SHISA9: variants seen among roughly 807,000 people sequenced by gnomAD.
SHISA9 encodes the protein protein shisa-9.
SHISA9 carries 13 observed loss-of-function variants against 38.0 expected under a neutral mutation model. That is an observed-to-expected ratio of 0.34 (90% CI 0.22 to 0.54). SHISA9 has a LOEUF of 0.54. Among genes scored for constraint, SHISA9 ranks in the 20% least tolerant of loss-of-function variants. The probability of loss-of-function intolerance (pLI) is 0.91; values close to 1 mark genes in which losing one functional copy is unlikely to be tolerated. For synonymous variants in SHISA9, 275 were observed against 242.0 expected (o/e 1.14, Z -1.27); for missense variants, 538 against 575.8 (o/e 0.93, Z 0.67).
the SHISA9 span, among the ~76,000 whole-genome samples, chr16:13,299,256 TC>T: frequency 3.3e-5 from 5 of 152,204 alleles, no homozygotes; most frequent in African/African-American, 1.2e-4. Flanking sequence ...GTACAGACAG[TC>T]ACTGCTCTAG....
chr16:12,961,798 T>A (rs1054645252), intron 2 of SHISA9, among the ~76,000 whole-genome samples: 6 of 152,096 alleles, frequency 3.9e-5, no homozygotes, highest in Non-Finnish European at 7.4e-5. Context: ...GAACAGCGAG[T>A]TCCTTGCGAC....
chr16:13,362,720 T>G, the SHISA9 span, among the ~76,000 whole-genome samples: 1 of 152,188 alleles, frequency 6.6e-6, no homozygotes, highest in Non-Finnish European at 1.5e-5. Context: ...CTCTTTCACT[T>G]CTCACATTCC....
chr16:13,079,952 C>G (rs1358257286), intron 2 of SHISA9, among the ~76,000 whole-genome samples: 2 of 152,070 alleles, frequency 1.3e-5, no homozygotes, highest in African/African-American at 2.4e-5. Context: ...GCAGCAGAAA[C>G]CAACCTTTCC....
chr16:13,145,306 G>A (rs1439589145), intron 2 of SHISA9, among the ~76,000 whole-genome samples: 2 of 152,060 alleles, frequency 1.3e-5, no homozygotes, highest in African/African-American at 2.4e-5. Flanking sequence ...GGGTGGATCA[G>A]TTCAGGTCAG....
At chr16:13,560,282 A>G in the SHISA9 span, among the ~76,000 whole-genome samples, 3 of 152,190 alleles carry the variant, frequency 2.0e-5, no homozygotes, top group African/African-American at 7.2e-5. Flanking sequence ...TTCTCACCTG[A>G]GATTCACTGT....
Position 13,190,196 on chromosome 16 carries a change from C to A in SHISA9, c.692-13198C>A, listed in dbSNP as rs149790268. On this transcript the variant is annotated intron_variant, in intron 2 of 4. Transcript: ENST00000558583. Reference sequence around the variant, plus strand: ...CTGCACCCACTAACTTGTCATCCAGCATTAGGTATATCTCCCAATGCTATC... The same window carrying A: ...CTGCACCCACTAACTTGTCATCCAGAATTAGGTATATCTCCCAATGCTATC... Among the ~76,000 whole-genome samples, 331 of 151,816 alleles carry A rather than the reference C, an allele frequency of 2.2e-3. 1 individual carries two copies. Among genetic ancestry groups the A allele is most frequent in the Non-Finnish European group, 3.4e-3 (234 of 67,932 alleles).
the SHISA9 span, among the ~76,000 whole-genome samples, chr16:13,363,750 A>G: frequency 6.6e-6 from 1 of 152,204 alleles, no homozygotes; most frequent in South Asian, 2.1e-4. Flanking sequence ...ATAAGCATGC[A>G]TTGCTTGGTG....
chr16:13,231,888 C>T (rs1387577371), intron 4 of SHISA9, among the ~76,000 whole-genome samples: 2 of 152,220 alleles, frequency 1.3e-5, no homozygotes, highest in African/African-American at 4.8e-5. Flanking sequence ...TCTGGCTCAG[C>T]CATTAGCTCT....
At chr16:13,518,050 C>A in the SHISA9 span, among the ~76,000 whole-genome samples, 2 of 152,178 alleles carry the variant, frequency 1.3e-5, no homozygotes, top group Admixed American at 1.3e-4. Context: ...GAATTGCGCT[C>A]TGTGCTCTCC....
At chr16:13,209,314 A>G (rs181134903) in intron 3 of SHISA9, among the ~76,000 whole-genome samples, 93 of 152,310 alleles carry the variant, frequency 6.1e-4, no homozygotes, top group African/African-American at 2.1e-3. Flanking sequence ...GGTTGGTTCC[A>G]TATTCTTTAC....
Position 13,142,984 on chromosome 16 carries a change from G to GTTTCC in SHISA9, c.692-60406_692-60402dup, listed in dbSNP as rs1356012181. Among the ~76,000 whole-genome samples, 76 of 68,808 alleles carry GTTTCC rather than the reference G, an allele frequency of 1.1e-3. No individual in the cohort carries two copies. In the East Asian group the frequency reaches 0.027, roughly 24 times the overall value. The allele number at this position is 68,808 out of a possible 152,430, so 45.1% of individuals were successfully genotyped here. ...GGGTGGATGAAGAACCTCTGTAGCT[G>GTTTCC]TTTCCTTTTATTTTATTTTATTTTA... On this transcript the variant is annotated intron_variant, in intron 2 of 4. Coordinates refer to ENST00000558583, the MANE Select transcript of SHISA9 (RefSeq NM_001145204.3).
At chr16:13,481,319 T>C in the SHISA9 span, among the ~76,000 whole-genome samples, 1 of 152,314 alleles carries the variant, frequency 6.6e-6, no homozygotes, top group Non-Finnish European at 1.5e-5. Flanking sequence ...ATATGTTGGG[T>C]ACATTGAAGG....
At chr16:13,529,312 T>C in the SHISA9 span, among the ~76,000 whole-genome samples, 3 of 152,248 alleles carry the variant, frequency 2.0e-5, no homozygotes, top group Admixed American at 2.0e-4. Context: ...AACCCTGGCA[T>C]AGCATGCCAC....
chr16:13,019,781 TTTCTTTCTTTCTTTC>T (rs2072803888), intron 2 of SHISA9, among the ~76,000 whole-genome samples: 10 of 112,196 alleles, frequency 8.9e-5, no homozygotes, highest in Non-Finnish European at 1.5e-4. Context: ...TCTTTCTTTC[TTTCTTTCTTTCTTTC>T]TTTCTTTCTT....
At position 13,238,987 on chromosome 16, in the gene SHISA9, C is replaced by A. The variant is rs1293680108; in HGVS notation, c.*3578C>A. On this transcript the variant is annotated 3_prime_UTR_variant, in exon 5 of 5. Coordinates refer to ENST00000558583, the MANE Select transcript of SHISA9 (RefSeq NM_001145204.3). ...TCTCCTAATGCTATCCCTCCCCCCT[C>A]CCCCCACCCCACAACAGTCCCCAGA... 1 of 87,992 alleles carries A rather than the reference C, an allele frequency of 1.1e-5. No individual in the cohort carries two copies. The highest frequency in any genetic ancestry group is 2.0e-5 in the Non-Finnish European group (1 of 48,842). 5.5% of individuals were successfully genotyped at this position (87,992 alleles called of 1,614,324 possible).
chr16:13,406,550 T>C, the SHISA9 span, among the ~76,000 whole-genome samples: 1 of 152,214 alleles, frequency 6.6e-6, no homozygotes, highest in Admixed American at 6.5e-5. Flanking sequence ...TACTGTCTTG[T>C]ACTCCTTCTT....
At chr16:13,203,333 G>C (rs2051024412) in intron 2 of SHISA9, 61 bp from the exon 3 acceptor site, 1 of 1,395,438 alleles carries the variant, frequency 7.2e-7, no homozygotes, top group Non-Finnish European at 9.4e-7. Context: ...GTGGTGATGG[G>C]AGGGAAGGTA....
chr16:13,425,431 G>C, the SHISA9 span, among the ~76,000 whole-genome samples: 1 of 152,154 alleles, frequency 6.6e-6, no homozygotes, highest in African/African-American at 2.4e-5. Context: ...AGATTGCAGT[G>C]AGCTGAGATT....
intron 2 of SHISA9, among the ~76,000 whole-genome samples, chr16:13,138,456 C>T (rs28538995): frequency 0.27 from 41,687 of 151,994 alleles, 6,657 homozygotes; most frequent in African/African-American, 0.44. Context: ...ATAACAGGGG[C>T]GGCATCTTCA....
Sources: gnomAD v4.1 joint callset for allele counts (sites outside exome capture counted in the v4.1 genomes callset) on GRCh38, gnomAD v4.1.1 for gene constraint, MANE v1.5 for transcripts, NCBI Gene and HGNC (gene_info 2026-07-23, HGNC 2026-07-21) for gene names.